Variants in DOCK1 observed in about 807,000 individuals in gnomAD.
The protein encoded by DOCK1 is dedicator of cytokinesis 1.
In DOCK1, 138 loss-of-function variants were observed where a neutral mutation model predicts 262.7. The ratio of observed to expected loss-of-function variants is 0.53; its 90% confidence interval spans 0.46 to 0.61. The LOEUF (loss-of-function observed/expected upper bound fraction) is 0.61, where lower values mean the gene tolerates loss of function less well. Ranked by LOEUF, DOCK1 falls within the 20% of genes least tolerant of loss-of-function variation. The pLI is 0.00. For missense variants in DOCK1, 1,908 were observed against 2,370.7 expected, an observed-to-expected ratio of 0.80 and a Z score of 4.05; for synonymous variants, 866 against 867.4, an observed-to-expected ratio of 1.00 and a Z score of 0.03.
In DOCK1 at chr10:127,282,129, C is replaced by G. The variant is rs573632811; in HGVS notation, c.3044+24700C>G. Among the ~76,000 whole-genome samples the G allele has an allele frequency of 3.5e-4, 53 of 152,260 alleles. 1 individual carries two copies. In the South Asian group the frequency reaches 0.01, roughly 29 times the overall value. ...TGTGACCTGTGGGTTGCGGGTTGGACAAGCTTGGATTAGAGGACAGAAGAA... is the reference window on the plus strand; with the variant it reads ...TGTGACCTGTGGGTTGCGGGTTGGAGAAGCTTGGATTAGAGGACAGAAGAA... On this transcript the variant is annotated intron_variant, in intron 29 of 51. Coordinates refer to ENST00000623213, the MANE Select transcript of DOCK1 (RefSeq NM_001290223.2).
At chr10:127,015,970 G>A (rs959405808) in intron 12 of DOCK1, 10 of 152,396 alleles carry the variant, frequency 6.6e-5, no homozygotes, top group African/African-American at 2.2e-4. Flanking sequence ...CAGGCCTGCA[G>A]TTCCCTCACT....
intron 27 of DOCK1, among the ~76,000 whole-genome samples, chr10:127,135,234 G>A (rs531699682): frequency 3.3e-4 from 51 of 152,320 alleles, no homozygotes; most frequent in Middle Eastern, 6.8e-3. Context: ...GTGGGCAAGC[G>A]TCAGTCCCTT....
chr10:127,018,729 A>G lies in DOCK1; in HGVS notation c.1221A>G (p.Lys407=). The change falls in exon 13 of 52, where the codon AAA becomes AAG. Residue 407 remains lysine (K), a synonymous_variant. Transcript: ENST00000623213. ...TTCCAGGTTTGTGGGTAACATTGAAATTACTTCCTGGAGATATCCATCAGA... is the reference window on the plus strand; with the variant it reads ...TTCCAGGTTTGTGGGTAACATTGAAGTTACTTCCTGGAGATATCCATCAGA... The part of the protein sequence containing the change: ...HKGQGLWVTL[K]LLPGDIHQIR... 1 of 1,614,060 alleles carries G rather than the reference A, an allele frequency of 6.2e-7. No individual in the cohort carries two copies. Among genetic ancestry groups the G allele is most frequent in the Non-Finnish European group, 8.5e-7 (1 of 1,179,912 alleles).
rs988243199 is a variant in DOCK1, at chr10:127,264,639, G to A, written c.3044+7210G>A. Among the ~76,000 whole-genome samples, 4 of 152,038 alleles carry A rather than the reference G, an allele frequency of 2.6e-5. No individual in the cohort carries two copies. In the East Asian group the frequency reaches 5.8e-4, roughly 22 times the overall value. On this transcript the variant is annotated intron_variant, in intron 29 of 51. Coordinates refer to ENST00000623213, the MANE Select transcript of DOCK1 (RefSeq NM_001290223.2). ...GAAAATGATCCTTGCCATTTATCAC[G>A]GGAAGCTGGCAGTTTACAATGTAGA... is the stretch of plus-strand genomic sequence containing the variant.
chr10:127,089,553 C>G (rs1353609757), intron 23 of DOCK1, among the ~76,000 whole-genome samples: 1 of 152,206 alleles, frequency 6.6e-6, no homozygotes, highest in Non-Finnish European at 1.5e-5. Context: ...ACCCCCACAC[C>G]TAAGATAATA....
intron 46 of DOCK1, among the ~76,000 whole-genome samples, chr10:127,425,055 C>T (rs1463071975): frequency 7.6e-6 from 1 of 130,744 alleles, no homozygotes; most frequent in East Asian, 1.9e-4. Context: ...AATAAATCTG[C>T]TCATTTAGAT....
intron 29 of DOCK1, among the ~76,000 whole-genome samples, chr10:127,282,733 T>C (rs577672969): frequency 1.3e-5 from 2 of 152,340 alleles, no homozygotes; most frequent in South Asian, 4.1e-4. Context: ...GTTGACTGCA[T>C]ATTCTCCTCC....
chr10:127,433,676 A>T (rs1228926581), intron 48 of DOCK1, among the ~76,000 whole-genome samples: 1 of 152,042 alleles, frequency 6.6e-6, no homozygotes, highest in African/African-American at 2.4e-5. Flanking sequence ...CATCCAATTT[A>T]GAACCTCCAG....
At chr10:126,980,387 G>T (rs893212841) in intron 3 of DOCK1, among the ~76,000 whole-genome samples, 2 of 151,942 alleles carry the variant, frequency 1.3e-5, no homozygotes. Flanking sequence ...GCAGTGAAAG[G>T]GTCTCACCAT....
chr10:127,302,743 T>G (rs965064688), intron 29 of DOCK1, among the ~76,000 whole-genome samples: 12 of 72,016 alleles, frequency 1.7e-4, no homozygotes, highest in Non-Finnish European at 2.7e-4. Context: ...AAAGAGGGGG[T>G]GTGTGTGTGT....
At chr10:127,425,476 T>C (rs937164876) in intron 46 of DOCK1, among the ~76,000 whole-genome samples, 1 of 152,212 alleles carries the variant, frequency 6.6e-6, no homozygotes, top group African/African-American at 2.4e-5. Flanking sequence ...TAATTACCTT[T>C]TGGAATAGGG....
At chr10:127,280,782 C>T (rs542534359) in intron 29 of DOCK1, among the ~76,000 whole-genome samples, 1 of 152,270 alleles carries the variant, frequency 6.6e-6, no homozygotes, top group Non-Finnish European at 1.5e-5. Context: ...TGTAGAATTG[C>T]AGATCTCTTT....
chr10:127,400,721 A>G lies in DOCK1; in HGVS notation c.3928-2334A>G, dbSNP rs1002400359. ...GGAAAAGCCAAAATCACCTTTGCAA[A>G]AAAAATTAACAGTGAGGAAATGATG... On this transcript the variant is annotated intron_variant, in intron 38 of 51. Transcript: ENST00000623213. 3.3e-5 allele frequency among the ~76,000 whole-genome samples: 5 copies of G among 152,178 alleles called. No homozygotes were observed. The South Asian group carries it at 1.0e-3, about 32-fold the overall frequency.
At chr10:127,236,863 A>G (rs1277032166) in intron 27 of DOCK1, among the ~76,000 whole-genome samples, 1 of 152,166 alleles carries the variant, frequency 6.6e-6, no homozygotes, top group Non-Finnish European at 1.5e-5. Flanking sequence ...AAACTTTTCA[A>G]GAATTCCAGA....
chr10:127,368,515 A>C (rs2065045350), intron 33 of DOCK1, among the ~76,000 whole-genome samples: 1 of 151,976 alleles, frequency 6.6e-6, no homozygotes, highest in Admixed American at 6.6e-5. Flanking sequence ...TCCAGAGAGT[A>C]GCATGCTTAC....
Position 127,411,684 on chromosome 10 carries a change from TACA to T in DOCK1, c.4428+764_4428+766del, listed in dbSNP as rs974353293. On this transcript the variant is annotated intron_variant, in intron 43 of 51. Coordinates refer to ENST00000623213, the MANE Select transcript of DOCK1 (RefSeq NM_001290223.2). Reference sequence around the variant, plus strand: ...GGTAAAACACTGTCTCTACTAAAAGTACAACATTAGCCGGGCGTGGTGGTGCAC... The same window carrying T: ...GGTAAAACACTGTCTCTACTAAAAGTACATTAGCCGGGCGTGGTGGTGCAC... Among the ~76,000 whole-genome samples the T allele has an allele frequency of 4.6e-5, 7 of 151,926 alleles. No homozygotes were observed. In the East Asian group the frequency reaches 5.9e-4, roughly 13 times the overall value.
intron 1 of DOCK1, among the ~76,000 whole-genome samples, chr10:126,947,482 ATGG>A (rs1351810037): frequency 2.3e-3 from 17 of 7,400 alleles, no homozygotes; most frequent in African/African-American, 4.7e-3. Context: ...GTTGGTGGTG[ATGG>A]TGGTGGTTGG....
intron 4 of DOCK1, 83 bp from the exon 5 acceptor site, chr10:126,987,438 C>A: frequency 8.9e-7 from 1 of 1,129,190 alleles, no homozygotes; most frequent in Non-Finnish European, 1.3e-6. Flanking sequence ...AACGCTATGG[C>A]CTAGATGTGA....
At chr10:127,041,450 A>T (rs563036562) in intron 19 of DOCK1, among the ~76,000 whole-genome samples, 1 of 152,266 alleles carries the variant, frequency 6.6e-6, no homozygotes, top group East Asian at 1.9e-4. Flanking sequence ...GATAGACCGC[A>T]GATTGTCTTT....
Sources: allele counts gnomAD v4.1 joint callset (sites outside exome capture counted in the v4.1 genomes callset), GRCh38; gene constraint gnomAD v4.1.1; transcripts MANE v1.5; gene names NCBI Gene and HGNC (gene_info 2026-07-23, HGNC 2026-07-21).